Variants in ZNF860 observed in about 807,000 individuals in gnomAD.
ZNF860 encodes zinc finger protein 860.
For missense variants in ZNF860, 641 were observed against 759.2 expected, an observed-to-expected ratio of 0.84 and a Z score of 1.83; for synonymous variants, 206 against 248.9, an observed-to-expected ratio of 0.83 and a Z score of 1.62.
chr3:31,990,150 C>T lies in ZNF860; in HGVS notation c.1071C>T (p.Leu357=), dbSNP rs115495504. 1.7e-3 allele frequency: 2,783 copies of T among 1,611,552 alleles called. 53 individuals carry two copies. In the African/African-American group the frequency reaches 0.033, roughly 19 times the overall value. The change falls in exon 2 of 2, where the codon CTC becomes CTT. Residue 357 remains leucine (L), a synonymous_variant. Transcript: ENST00000360311. The part of the protein sequence containing the change: ...CEKAFRRDSH[L]TQHTRIHTGE... ...AGGCTTTCAGGCGTGATTCACACCT[C>T]ACACAACACACTAGAATTCACACTG...
the ZNF860 span, among the ~76,000 whole-genome samples, chr3:32,003,121 T>A: frequency 6.6e-6 from 1 of 152,094 alleles, no homozygotes; most frequent in African/African-American, 2.4e-5. Context: ...CAGAGGGTGG[T>A]AAATTGGAGG....
At chr3:32,005,399 A>C in the ZNF860 span, among the ~76,000 whole-genome samples, 1 of 152,026 alleles carries the variant, frequency 6.6e-6, no homozygotes, top group East Asian at 1.9e-4. Context: ...CTACCACATT[A>C]ATCTGGAGAT....
Position 31,990,464 on chromosome 3 carries a change from C to G in ZNF860, c.1385C>G (p.Thr462Ser). The G allele has an allele frequency of 6.4e-7, 1 of 1,565,802 alleles. No individual in the cohort carries two copies. Among genetic ancestry groups the G allele is most frequent in the South Asian group, 1.2e-5 (1 of 84,388 alleles). ...KPYKCNECGK[T>S]FHHNSALVIH... ...TACAAGTGTAATGAGTGTGGCAAGA[C>G]CTTCCATCACAATTCAGCCCTTGTA... The change falls in exon 2 of 2, where the codon ACC (threonine) becomes AGC (serine). Residue 462 changes from threonine (T) to serine (S), a missense_variant. By Grantham distance (58) the Thr-to-Ser change is moderately conservative (BLOSUM62 1). Coordinates refer to ENST00000360311, the MANE Select transcript of ZNF860 (RefSeq NM_001137674.3).
chr3:31,984,335 G>C (rs906905371), intron 1 of ZNF860, among the ~76,000 whole-genome samples: 1 of 151,408 alleles, frequency 6.6e-6, no homozygotes, highest in Non-Finnish European at 1.5e-5. Context: ...CCACCGTACC[G>C]GGCCCACCTA....
At chr3:31,988,413 T>C (rs931040536) in intron 1 of ZNF860, among the ~76,000 whole-genome samples, 4 of 152,068 alleles carry the variant, frequency 2.6e-5, no homozygotes, top group African/African-American at 4.8e-5. Context: ...ATAAAAAAAT[T>C]TGTGGCCAGA....
chr3:31,984,301 A>G (rs774060717), intron 1 of ZNF860, among the ~76,000 whole-genome samples: 5 of 151,524 alleles, frequency 3.3e-5, no homozygotes, highest in Non-Finnish European at 5.9e-5. Context: ...CGGCCTCCCA[A>G]AGTGCTGGGA....
At chr3:31,996,254 A>G (rs1385513512), downstream of ZNF860, among the ~76,000 whole-genome samples, 1 of 152,220 alleles carries the variant, frequency 6.6e-6, no homozygotes, top group Admixed American at 6.5e-5. Flanking sequence ...ATGTTCCTGT[A>G]AAGAGAAACT....
At chr3:31,988,203 G>A (rs1410917382) in intron 1 of ZNF860, among the ~76,000 whole-genome samples, 1 of 152,184 alleles carries the variant, frequency 6.6e-6, no homozygotes, top group Non-Finnish European at 1.5e-5. Flanking sequence ...TGAGTGTGAA[G>A]GGGCAGATAA....
chr3:31,984,462 C>G (rs1048269875), intron 1 of ZNF860, among the ~76,000 whole-genome samples: 2 of 151,914 alleles, frequency 1.3e-5, no homozygotes, highest in Admixed American at 1.3e-4. Context: ...TGCACTGAGT[C>G]AGTTCCTGAG....
At chr3:31,995,471 C>T (rs1371484225), downstream of ZNF860, among the ~76,000 whole-genome samples, 2 of 152,168 alleles carry the variant, frequency 1.3e-5, no homozygotes, top group African/African-American at 4.8e-5. Flanking sequence ...TTGCCCAACC[C>T]TGCAGGCAGT....
chr3:32,003,695 T>C, the ZNF860 span, among the ~76,000 whole-genome samples: 1 of 152,036 alleles, frequency 6.6e-6, no homozygotes, highest in Non-Finnish European at 1.5e-5. Flanking sequence ...AGGGCAAGGA[T>C]TTAATTGGTC....
the ZNF860 span, among the ~76,000 whole-genome samples, chr3:32,003,675 T>A: frequency 6.6e-6 from 1 of 152,110 alleles, no homozygotes; most frequent in Non-Finnish European, 1.5e-5. Context: ...CCGAAACCAA[T>A]CAGGAACAAA....
chr3:31,995,468 A>G (rs1426523542), downstream of ZNF860, among the ~76,000 whole-genome samples: 1 of 152,134 alleles, frequency 6.6e-6, no homozygotes, highest in African/African-American at 2.4e-5. Flanking sequence ...TTTTTGCCCA[A>G]CCCTGCAGGC....
chr3:31,995,587 A>G (rs2125526631), downstream of ZNF860, among the ~76,000 whole-genome samples: 1 of 152,342 alleles, frequency 6.6e-6, no homozygotes, highest in Non-Finnish European at 1.5e-5. Context: ...TTTACAATCA[A>G]TTTGTACAGT....
Position 31,989,144 on chromosome 3 carries a change from G to T in ZNF860, c.65G>T (p.Gly22Val). 1 of 1,614,174 alleles carries T rather than the reference G, an allele frequency of 6.2e-7. No individual in the cohort carries two copies. The highest frequency in any genetic ancestry group is 2.2e-5 in the East Asian group (1 of 44,876). ...GAGCCAGGCATGGCTCTTCCTCAGG[G>T]ACACTTGACTTTTAGGGATGTGGCT... ...EKEPGMALPQ[G>V]HLTFRDVAIE... Residue 22 changes from glycine to valine, a missense_variant, in exon 2 of 2, where the codon GGA becomes GTA. Coordinates refer to ENST00000360311, the MANE Select transcript of ZNF860 (RefSeq NM_001137674.3).
In ZNF860 at chr3:31,990,301, A is replaced by C; in HGVS notation, c.1222A>C (p.Ser408Arg). The change falls in exon 2 of 2, where the codon AGT (serine) becomes CGT (arginine). Residue 408 changes from serine to arginine, a missense_variant. Coordinates refer to ENST00000360311, the MANE Select transcript of ZNF860 (RefSeq NM_001137674.3). ...YKCNDCHKVF[S>R]NATTIANHWR... ...ATGTAATGATTGTCACAAAGTCTTC[A>C]GTAATGCTACAACCATTGCAAATCA... 2 of 1,614,174 alleles carry C rather than the reference A, an allele frequency of 1.2e-6. No homozygotes were observed. The highest frequency in any genetic ancestry group is 1.7e-6 in the Non-Finnish European group (2 of 1,180,008).
At chr3:31,993,693 C>CACAT (rs1357243838), downstream of ZNF860, among the ~76,000 whole-genome samples, 3 of 151,914 alleles carry the variant, frequency 2.0e-5, no homozygotes, top group Admixed American at 6.6e-5. Context: ...CACACACACA[C>CACAT]ACACACACAC....
At chr3:31,997,696 G>A in the ZNF860 span, among the ~76,000 whole-genome samples, 1 of 152,038 alleles carries the variant, frequency 6.6e-6, no homozygotes, top group African/African-American at 2.4e-5. Flanking sequence ...GCGAACATCT[G>A]GAGATGGGAG....
Position 31,990,361 on chromosome 3 carries a change from T to C in ZNF860, c.1282T>C (p.Cys428Arg), listed in dbSNP as rs1350822500. ...RIHNEERSYKCNKCGKFFRRR... is the reference protein window; with the variant it reads ...RIHNEERSYKRNKCGKFFRRR... Reference sequence around the variant, plus strand: ...CCATAATGAAGAGAGATCTTACAAGTGTAATAAATGTGGCAAATTTTTTAG... The same window carrying C: ...CCATAATGAAGAGAGATCTTACAAGCGTAATAAATGTGGCAAATTTTTTAG... The change falls in exon 2 of 2, where the codon TGT (cysteine) becomes CGT (arginine). Residue 428 changes from cysteine (C) to arginine (R), a missense_variant. Physicochemically the swap from Cys to Arg is radical, Grantham distance 180. Coordinates refer to ENST00000360311, the MANE Select transcript of ZNF860 (RefSeq NM_001137674.3). 1 of 1,614,102 alleles carries C rather than the reference T, an allele frequency of 6.2e-7. No homozygotes were observed. The highest frequency in any genetic ancestry group is 8.5e-7 in the Non-Finnish European group (1 of 1,179,990).
Sources: allele counts gnomAD v4.1 joint callset (sites outside exome capture counted in the v4.1 genomes callset), GRCh38; gene constraint gnomAD v4.1.1; transcripts MANE v1.5; gene names NCBI Gene and HGNC (gene_info 2026-07-23, HGNC 2026-07-21).